SLC13A5: variants seen among roughly 807,000 people sequenced by gnomAD.
SLC13A5 encodes the protein solute carrier family 13 member 5, also known as Na(+)/citrate cotransporter.
In SLC13A5, 25 loss-of-function variants were observed where a neutral mutation model predicts 56.5. The ratio of observed to expected loss-of-function variants is 0.44; its 90% confidence interval spans 0.32 to 0.62. The LOEUF (loss-of-function observed/expected upper bound fraction) is 0.62, where lower values mean the gene tolerates loss of function less well. Among genes scored for constraint, SLC13A5 ranks in the 20% least tolerant of loss-of-function variants. SLC13A5 has a pLI of 0.04. For synonymous variants in SLC13A5, 307 were observed against 301.5 expected (o/e 1.02, Z -0.19); for missense variants, 649 against 737.8 (o/e 0.88, Z 1.39).
At chr17:6,693,236 C>T in intron 8 of SLC13A5, 74 bp from the exon 9 acceptor site, 1 of 930,998 alleles carries the variant, frequency 1.1e-6, no homozygotes, top group Admixed American at 2.8e-5. Flanking sequence ...CACACCAGAG[C>T]AGCATTAGAA....
At chr17:6,704,219 C>T in intron 3 of SLC13A5, 163 bp from the exon 4 acceptor site, 1 of 754,214 alleles carries the variant, frequency 1.3e-6, no homozygotes, top group South Asian at 1.5e-5. Flanking sequence ...AGAGCCTCCC[C>T]TCCCTCCCTC....
At position 6,695,864 on chromosome 17, in the gene SLC13A5, T is replaced by TACTCCTCCTGCAGCACCTTG; in HGVS notation, c.897_916dup (p.Tyr306SerfsTer22). On this transcript the variant is annotated frameshift_variant, in exon 7 of 12. Coordinates refer to ENST00000433363, the MANE Select transcript of SLC13A5 (RefSeq NM_177550.5). LOFTEE classifies it high-confidence loss of function. ...GAAGGACAAGGGCCCCAGCTTCCGGTACTCCTCCTGCAGCACCTTGAGGGC... is the reference window on the plus strand; with the variant it reads ...GAAGGACAAGGGCCCCAGCTTCCGGTACTCCTCCTGCAGCACCTTGACTCCTCCTGCAGCACCTTGAGGGC... 6.2e-7 allele frequency: 1 copy of TACTCCTCCTGCAGCACCTTG among 1,614,116 alleles called. No homozygotes were observed. Among genetic ancestry groups the TACTCCTCCTGCAGCACCTTG allele is most frequent in the Non-Finnish European group, 8.5e-7 (1 of 1,180,012 alleles).
At chr17:6,698,046 T>G (rs892089695) in intron 6 of SLC13A5, among the ~76,000 whole-genome samples, 1 of 152,186 alleles carries the variant, frequency 6.6e-6, no homozygotes, top group African/African-American at 2.4e-5. Context: ...AGGTCTTAGT[T>G]TGTGGCAGGA....
At chr17:6,698,063 C>G (rs1973606888) in intron 6 of SLC13A5, among the ~76,000 whole-genome samples, 1 of 152,204 alleles carries the variant, frequency 6.6e-6, no homozygotes, top group African/African-American at 2.4e-5. Flanking sequence ...AGGACGTGGC[C>G]TGGGCCAGAG....
At position 6,711,383 on chromosome 17, in the gene SLC13A5, T is replaced by G. The variant is rs988385738; in HGVS notation, c.102+1849A>C. Among the ~76,000 whole-genome samples the G allele has an allele frequency of 2.0e-5, 3 of 152,040 alleles. No individual in the cohort carries two copies. The highest frequency in any genetic ancestry group is 4.4e-5 in the Non-Finnish European group (3 of 67,998). The stretch of plus-strand genomic sequence containing the variant: ...CCCTGGGTTCTCTTCTTCCCCTCCC[T>G]GGTCCTCACTCAAAGGACAGCTTAA... On this transcript the variant is annotated intron_variant, in intron 1 of 11. Transcript: ENST00000433363. This position sits in a 1 kb window ranked among gnomAD's most constrained non-coding sequence, Gnocchi z 4.0.
rs756534283 is a variant in SLC13A5 at position 6,695,710 on chromosome 17, T to G, written c.1055+16A>C. Reference sequence around the variant, plus strand: ...CTGGCCCTAAGCCAGCGATTTCTATTGAATCCAAGACTTACTTTGTCTCAC... The same window carrying G: ...CTGGCCCTAAGCCAGCGATTTCTATGGAATCCAAGACTTACTTTGTCTCAC... On this transcript the variant is annotated intron_variant, in intron 7 of 11. Coordinates refer to ENST00000433363, the MANE Select transcript of SLC13A5 (RefSeq NM_177550.5). 2.9e-5 allele frequency: 46 copies of G among 1,613,408 alleles called. No individual in the cohort carries two copies. Among genetic ancestry groups the G allele is most frequent in the Middle Eastern group, 1.6e-4 (1 of 6,082 alleles).
rs551514506 is a variant in SLC13A5 at position 6,707,222 on chromosome 17, G to A, written c.103-66C>T. ...CCTCTCCCCACCCCCAGAACACTCC[G>A]GACGGCGGCTGGCATGGATTGTCAA... On this transcript the variant is annotated intron_variant, in intron 1 of 11. Transcript: ENST00000433363. 410 of 1,587,902 alleles carry A rather than the reference G, an allele frequency of 2.6e-4. 3 individuals are homozygous for A. In the South Asian group the frequency reaches 4.2e-3, roughly 16 times the overall value.
chr17:6,705,171 A>G (rs542439020), intron 3 of SLC13A5: 1 of 152,348 alleles, frequency 6.6e-6, no homozygotes, highest in East Asian at 1.9e-4. Context: ...GGACCCAAAA[A>G]AAAACAAAGC....
chr17:6,690,820 C>T lies in SLC13A5; in HGVS notation c.1396G>A (p.Val466Met), dbSNP rs750791192. The change falls in exon 10 of 12, where the codon GTG becomes ATG. Residue 466 changes from valine to methionine, a missense_variant. By Grantham distance (21) the Val-to-Met change is conservative (BLOSUM62 1). Coordinates refer to ENST00000433363, the MANE Select transcript of SLC13A5 (RefSeq NM_177550.5). Reference sequence around the variant, plus strand: ...GGCAGGAACAAGGTGGTGGTGGCCACGTTGCTTGTGCACTCAGTGAACACG... The same window carrying T: ...GGCAGGAACAAGGTGGTGGTGGCCATGTTGCTTGTGCACTCAGTGAACACG... The part of the protein sequence containing the change: ...VAVFTECTSN[V>M]ATTTLFLPIF... The T allele has an allele frequency of 9.3e-6, 15 of 1,614,092 alleles. No homozygotes were observed. Among genetic ancestry groups the T allele is most frequent in the African/African-American group, 1.3e-5 (1 of 74,938 alleles).
In SLC13A5 at chr17:6,686,181, CTG is replaced by C; in HGVS notation, c.*24_*25del. 6.2e-7 allele frequency: 1 copy of C among 1,613,852 alleles called. No individual in the cohort carries two copies. Among genetic ancestry groups the C allele is most frequent in the South Asian group, 1.1e-5 (1 of 91,066 alleles). ...TCGGTAGTCCTGAGGAGGGTAAGGG[CTG>C]TGTGTGTGGTCTTGTGGCTCTTCCT... On this transcript the variant is annotated 3_prime_UTR_variant, in exon 12 of 12. Coordinates refer to ENST00000433363, the MANE Select transcript of SLC13A5 (RefSeq NM_177550.5).
At position 6,687,010 on chromosome 17, in the gene SLC13A5, A is replaced by C. The variant is rs1156294938; in HGVS notation, c.1575+519T>G. ...CTGCAAAGCTGCCCTTCTCCCAGCAAAGGTGACAGAGCTAATGAAGAGTTC... is the reference window on the plus strand; with the variant it reads ...CTGCAAAGCTGCCCTTCTCCCAGCACAGGTGACAGAGCTAATGAAGAGTTC... On this transcript the variant is annotated intron_variant, in intron 11 of 11. Transcript: ENST00000433363. The surrounding 1 kb of genome is among the most constrained non-coding windows in gnomAD (Gnocchi z 5.0). 1 of 162,082 alleles carries C rather than the reference A, an allele frequency of 6.2e-6. No individual in the cohort carries two copies. The highest frequency in any genetic ancestry group is 1.3e-5 in the Non-Finnish European group (1 of 75,352). The allele number at this position is 162,082 out of a possible 1,614,324, so 10.0% of individuals were successfully genotyped here.
Position 6,690,891 on chromosome 17 carries a change from G to A in SLC13A5, c.1325C>T (p.Ala442Val). Residue 442 changes from alanine to valine, a missense_variant, in exon 10 of 12, where the codon GCA becomes GTA. Ala to Val is a moderately conservative substitution (Grantham distance 64). Coordinates refer to ENST00000433363, the MANE Select transcript of SLC13A5 (RefSeq NM_177550.5). ...CAAGGTGATGGCTGCCGGGGGCACT[G>A]CGTGCAAGGGCTCCATCTGCTTCCC... Reference protein sequence around the residue: ...WMGKQMEPLHAVPPAAITLIL... With the variant: ...WMGKQMEPLHVVPPAAITLIL... The A allele has an allele frequency of 6.2e-7, 1 of 1,614,090 alleles. No homozygotes were observed. The highest frequency in any genetic ancestry group is 8.5e-7 in the Non-Finnish European group (1 of 1,179,954).
intron 2 of SLC13A5, 95 bp downstream of exon 2, chr17:6,706,933 C>T (rs538130068): frequency 1.3e-6 from 2 of 1,566,256 alleles, no homozygotes; most frequent in Non-Finnish European, 8.7e-7. Flanking sequence ...GAGGGTTTTC[C>T]GGTCACCCCC....
In SLC13A5 at chr17:6,700,937, C is replaced by T; in HGVS notation, c.839+67G>A. ...GACTTTGTAAACCTGCCTATTGAGT[C>T]TGAGGGCTCTTCTGCAGCTTTGAGG... On this transcript the variant is annotated intron_variant, in intron 6 of 11. Coordinates refer to ENST00000433363, the MANE Select transcript of SLC13A5 (RefSeq NM_177550.5). 2.5e-6 allele frequency: 4 copies of T among 1,604,854 alleles called. No homozygotes were observed. The South Asian group carries it at 3.3e-5, about 13-fold the overall frequency.
chr17:6,707,590 G>A (rs1343074860), intron 1 of SLC13A5, among the ~76,000 whole-genome samples: 1 of 152,158 alleles, frequency 6.6e-6, no homozygotes. Flanking sequence ...AGGAGAAGGA[G>A]AAGAAGAATA....
At position 6,686,211 on chromosome 17, in the gene SLC13A5, G is replaced by A; in HGVS notation, c.1703C>T (p.Thr568Ile). ...PDWANVTHIE[T>I] ...TGTGTGGTCTTGTGGCTCTTCCTAAGTCTCAATATGTGTCACATTAGCCCA... is the reference window on the plus strand; with the variant it reads ...TGTGTGGTCTTGTGGCTCTTCCTAAATCTCAATATGTGTCACATTAGCCCA... The change falls in exon 12 of 12, where the codon ACT (threonine) becomes ATT (isoleucine). Residue 568 changes from threonine (T) to isoleucine (I), a missense_variant. Transcript: ENST00000433363. The A allele has an allele frequency of 6.2e-7, 1 of 1,614,124 alleles. No homozygotes were observed. Among genetic ancestry groups the A allele is most frequent in the Non-Finnish European group, 8.5e-7 (1 of 1,180,022 alleles).
At chr17:6,691,776 C>T (rs1973412134) in intron 9 of SLC13A5, among the ~76,000 whole-genome samples, 2 of 152,178 alleles carry the variant, frequency 1.3e-5, no homozygotes, top group African/African-American at 4.8e-5. Flanking sequence ...CTCCAGACAT[C>T]AGAGTGATTT....
chr17:6,692,235 G>GGACA lies in SLC13A5; in HGVS notation c.1275+808_1275+809insTGTC, dbSNP rs755153342. Among the ~76,000 whole-genome samples the GGACA allele has an allele frequency of 1.2e-4, 12 of 101,514 alleles. No individual in the cohort carries two copies. The highest frequency in any genetic ancestry group is 4.2e-4 in the African/African-American group (11 of 26,042). The allele number at this position is 101,514 out of a possible 152,430, so 66.6% of individuals were successfully genotyped here. Reference sequence around the variant, plus strand: ...TAGATGGGTGGATGGATGGACAGATGGATGGATGGATGGATGGATGGATGG... The same window carrying GGACA: ...TAGATGGGTGGATGGATGGACAGATGGACAGATGGATGGATGGATGGATGGATGG... On this transcript the variant is annotated intron_variant, in intron 9 of 11. Transcript: ENST00000433363. The surrounding 1 kb of genome is among the most constrained non-coding windows in gnomAD (Gnocchi z 5.5).
chr17:6,686,469 A>G, intron 11 of SLC13A5, 131 bp from the exon 12 acceptor site: 1 of 1,153,268 alleles, frequency 8.7e-7, no homozygotes, highest in East Asian at 2.5e-5. Flanking sequence ...GGGTGTCCCG[A>G]CCCCCAGGAC....
Sources: gnomAD v4.1 joint callset for allele counts (sites outside exome capture counted in the v4.1 genomes callset) on GRCh38, gnomAD v4.1.1 for gene constraint, Gnocchi (gnomAD v3.1) non-coding constraint, MANE v1.5 for transcripts, NCBI Gene and HGNC (gene_info 2026-07-23, HGNC 2026-07-21) for gene names.